Variants in DAB1 observed in about 807,000 individuals in gnomAD.
DAB1 encodes disabled homolog 1.
Under a neutral mutation model 64.6 loss-of-function variants are expected in DAB1, and 15 were observed. The ratio of observed to expected loss-of-function variants is 0.23; its 90% confidence interval spans 0.16 to 0.36. The LOEUF (loss-of-function observed/expected upper bound fraction) is 0.36. Ranked by LOEUF, DAB1 falls within the 10% of genes least tolerant of loss-of-function variation. DAB1 has a pLI of 1.00. For synonymous variants in DAB1, 235 were observed against 251.9 expected (o/e 0.93, Z 0.64); for missense variants, 596 against 706.7 (o/e 0.84, Z 1.78).
At chr1:57,824,518 G>A (rs1178449647), downstream of DAB1, among the ~76,000 whole-genome samples, 1 of 152,080 alleles carries the variant, frequency 6.6e-6, no homozygotes, top group East Asian at 1.9e-4. Flanking sequence ...GAGCCTGAGA[G>A]CTTCATTACT....
intron 1 of DAB1, among the ~76,000 whole-genome samples, chr1:57,397,637 T>A (rs1213136511): frequency 6.6e-6 from 1 of 152,240 alleles, no homozygotes; most frequent in Admixed American, 6.5e-5. Context: ...AACCTCCCAC[T>A]GGCTCTCCAC....
intron 4 of DAB1, among the ~76,000 whole-genome samples, chr1:58,299,777 A>G (rs1463521049): frequency 6.6e-6 from 1 of 152,204 alleles, no homozygotes; most frequent in Non-Finnish European, 1.5e-5. Flanking sequence ...ACTTCTGCTC[A>G]GAGTATGTAG....
At chr1:57,834,285 C>G (rs1010693623) in intron 1 of DAB1, among the ~76,000 whole-genome samples, 1 of 151,996 alleles carries the variant, frequency 6.6e-6, no homozygotes, top group Non-Finnish European at 1.5e-5. Context: ...ATACTCCTAC[C>G]ATTCTACTAA....
intron 1 of DAB1, among the ~76,000 whole-genome samples, chr1:57,878,963 A>G (rs1343190355): frequency 6.6e-6 from 1 of 152,056 alleles, no homozygotes; most frequent in Non-Finnish European, 1.5e-5. Flanking sequence ...ATTTAATATA[A>G]TGTCCTCCAG....
chr1:57,966,604 A>G (rs12029655), intron 5 of DAB1, among the ~76,000 whole-genome samples: 5,784 of 152,222 alleles, frequency 0.038, 201 homozygotes, highest in East Asian at 0.12. Flanking sequence ...GAAATAACAC[A>G]TTGTTATTTT....
intron 5 of DAB1, among the ~76,000 whole-genome samples, chr1:58,060,713 G>A (rs936836622): frequency 1.3e-5 from 2 of 152,220 alleles, no homozygotes; most frequent in African/African-American, 2.4e-5. Flanking sequence ...AAGTGAGTGT[G>A]CACAAGTCCC....
At chr1:57,691,142 T>C (rs910862337) in intron 6 of DAB1, among the ~76,000 whole-genome samples, 1 of 151,996 alleles carries the variant, frequency 6.6e-6, no homozygotes, top group Non-Finnish European at 1.5e-5. Flanking sequence ...CTTGGAGAAG[T>C]TTTCTGTCTA....
chr1:57,407,631 G>A (rs1448788696), intron 1 of DAB1, among the ~76,000 whole-genome samples: 2 of 152,198 alleles, frequency 1.3e-5, no homozygotes, highest in South Asian at 2.1e-4. Flanking sequence ...GGCCCAGAGA[G>A]TGAAGAGTCT....
intron 1 of DAB1, 134 bp from the exon 2 acceptor site, chr1:57,291,300 T>A (rs746509053): frequency 3.6e-4 from 114 of 317,700 alleles, no homozygotes; most frequent in Non-Finnish European, 6.0e-4. Flanking sequence ...CATGGTTTCA[T>A]GAAGGCATTG....
At chr1:57,707,807 T>TCACGTCAGCTGTA (rs1646985909) in intron 6 of DAB1, among the ~76,000 whole-genome samples, 1 of 152,204 alleles carries the variant, frequency 6.6e-6, no homozygotes. Flanking sequence ...AAGCCTGAAG[T>TCACGTCAGCTGTA]CACGTCAGCT....
intron 7 of DAB1, among the ~76,000 whole-genome samples, chr1:57,606,568 A>G (rs1433951774): frequency 8.8e-6 from 1 of 114,032 alleles, no homozygotes; most frequent in East Asian, 2.2e-4. Context: ...TATATATTAT[A>G]TATGAAATAT....
chr1:57,263,427 C>T (rs954258041), intron 2 of DAB1, among the ~76,000 whole-genome samples: 3 of 151,806 alleles, frequency 2.0e-5, no homozygotes, highest in Non-Finnish European at 2.9e-5. Flanking sequence ...GCTGAAGATA[C>T]AACTTTTTTA....
chr1:57,440,029 A>G (rs1685881372), intron 7 of DAB1, among the ~76,000 whole-genome samples: 1 of 151,946 alleles, frequency 6.6e-6, no homozygotes. Context: ...TTTCTTCCTG[A>G]CTTCACCTTC....
At chr1:58,263,553 G>A (rs769842668) in intron 4 of DAB1, among the ~76,000 whole-genome samples, 56 of 152,154 alleles carry the variant, frequency 3.7e-4, no homozygotes, top group Non-Finnish European at 5.3e-4. Flanking sequence ...TCTATGGCAT[G>A]TTGCTTGCTA....
In DAB1 at chr1:57,894,984, C is replaced by T. The variant is rs374605416; in HGVS notation, n.388-10822G>A. 5.3e-5 allele frequency among the ~76,000 whole-genome samples: 8 copies of T among 151,546 alleles called. No homozygotes were observed. The East Asian group carries it at 7.8e-4, about 15-fold the overall frequency. On this transcript the variant is annotated intron_variant and non_coding_transcript_variant, in intron 5 of 20. Coordinates refer to the DAB1 transcript ENST00000485760. ...TACAATGTAGACATACAGCTCCCCA[C>T]AAAAGTTTGTGAAAGGCCTGCAGTG... is the stretch of plus-strand genomic sequence containing the variant.
chr1:57,328,233 C>G (rs535211524), intron 1 of DAB1, among the ~76,000 whole-genome samples: 1 of 152,232 alleles, frequency 6.6e-6, no homozygotes, highest in East Asian at 1.9e-4. Flanking sequence ...AAGAGAAAAG[C>G]CTACCTGTAA....
chr1:57,709,179 T>C (rs1346564672), intron 6 of DAB1, among the ~76,000 whole-genome samples: 1 of 152,220 alleles, frequency 6.6e-6, no homozygotes, highest in East Asian at 1.9e-4. Context: ...TTTTTAAATA[T>C]TCTTTACTTC....
intron 11 of DAB1, among the ~76,000 whole-genome samples, chr1:57,022,373 A>G (rs1315512293): frequency 1.3e-5 from 2 of 152,232 alleles, no homozygotes; most frequent in African/African-American, 4.8e-5. Flanking sequence ...TATTTTAGGT[A>G]AGGAAAACTA....
intron 1 of DAB1, among the ~76,000 whole-genome samples, chr1:57,407,848 C>T (rs1683779922): frequency 6.6e-6 from 1 of 151,590 alleles, no homozygotes; most frequent in African/African-American, 2.4e-5. Flanking sequence ...GTAAGATTAC[C>T]ACTGCTAGAG....
Sources: allele counts gnomAD v4.1 joint callset (sites outside exome capture counted in the v4.1 genomes callset), GRCh38; gene constraint gnomAD v4.1.1; transcripts MANE v1.5; gene names NCBI Gene and HGNC (gene_info 2026-07-23, HGNC 2026-07-21).